Variants in SLC31A2 observed in about 807,000 individuals in gnomAD.
SLC31A2 encodes the protein solute carrier family 31 member 2, also known as protein SLC31A2.
SLC31A2 carries 16 observed loss-of-function variants against 14.4 expected under a neutral mutation model. The observed-to-expected ratio is 1.11, with a 90% CI of 0.75 to 1.69. The LOEUF is 1.69. SLC31A2 is among the 40% of genes most tolerant of loss of function. The pLI, the probability that SLC31A2 is intolerant of heterozygous loss-of-function variation, is 0.00. For missense variants in SLC31A2, 140 were observed against 173.9 expected (o/e 0.81, Z 1.10); for synonymous variants, 56 against 68.7 (o/e 0.82, Z 0.91).
chr9:113,159,838 T>C (rs545745511), intron 2 of SLC31A2, among the ~76,000 whole-genome samples: 2 of 152,318 alleles, frequency 1.3e-5, no homozygotes, highest in South Asian at 4.1e-4. Flanking sequence ...TGGGATCAAT[T>C]ATTTGATAGA....
intron 1 of SLC31A2, 81 bp from the exon 2 acceptor site, chr9:113,157,646 C>A: frequency 1.7e-6 from 2 of 1,194,596 alleles, no homozygotes; most frequent in East Asian, 2.5e-5. Context: ...TCTGGGCTCC[C>A]AGAGGAGGTG....
At chr9:113,159,145 C>T (rs928783021) in intron 2 of SLC31A2, among the ~76,000 whole-genome samples, 1 of 152,002 alleles carries the variant, frequency 6.6e-6, no homozygotes, top group Non-Finnish European at 1.5e-5. Context: ...TGATCTTTCT[C>T]TTTTTTTGAA....
chr9:113,161,732 C>A, intron 3 of SLC31A2, 34 bp downstream of exon 3: 1 of 1,605,006 alleles, frequency 6.2e-7, no homozygotes, highest in Non-Finnish European at 8.5e-7. Context: ...GGGGCAGAAG[C>A]CTCACATTCA....
In SLC31A2 at chr9:113,162,803, CG is replaced by C. The variant is rs1564140292; in HGVS notation, c.320del (p.Gly107AlafsTer8). 6.8e-6 allele frequency: 11 copies of C among 1,613,774 alleles called. No homozygotes were observed. Among genetic ancestry groups the C allele is most frequent in the Non-Finnish European group, 8.5e-6 (10 of 1,179,796 alleles). ...SLIHVIQVVI[G>X]YFIMLAVMSY... ...TAATCCATGTCATCCAGGTGGTCAT[CG>C]GCTACTTCATCATGCTGGCCGTAAT... On this transcript the variant is annotated frameshift_variant, in exon 4 of 4. Transcript: ENST00000259392. LOFTEE classifies it high-confidence loss of function.
intron 2 of SLC31A2, among the ~76,000 whole-genome samples, chr9:113,160,004 G>A (rs1178405463): frequency 2.0e-5 from 3 of 152,098 alleles, no homozygotes; most frequent in Non-Finnish European, 2.9e-5. Context: ...GTCAAACCCC[G>A]TCTCTACTAA....
At chr9:113,158,115 C>T in intron 2 of SLC31A2, 1 of 494,694 alleles carries the variant, frequency 2.0e-6, no homozygotes, top group South Asian at 1.5e-5. Context: ...GCATCAGAGC[C>T]ACTACTAGAT....
intron 2 of SLC31A2, among the ~76,000 whole-genome samples, chr9:113,160,761 G>GC (rs1257807284): frequency 6.6e-6 from 1 of 152,132 alleles, no homozygotes; most frequent in African/African-American, 2.4e-5. Context: ...CTGGCAACCA[G>GC]CCCCCATCCA....
intron 2 of SLC31A2, chr9:113,161,120 G>T (rs1325553171): frequency 5.9e-6 from 1 of 170,106 alleles, no homozygotes; most frequent in Non-Finnish European, 1.2e-5. Flanking sequence ...CTACTTTGCT[G>T]AGATAACTAT....
At chr9:113,157,621 C>A in intron 1 of SLC31A2, 106 bp from the exon 2 acceptor site, 1 of 897,746 alleles carries the variant, frequency 1.1e-6, no homozygotes, top group Non-Finnish European at 1.8e-6. Flanking sequence ...CCAGCACTTC[C>A]AGTGACCCCA....
At chr9:113,157,866 C>A in intron 2 of SLC31A2, 73 bp downstream of exon 2, 1 of 1,166,832 alleles carries the variant, frequency 8.6e-7, no homozygotes, top group South Asian at 1.3e-5. Context: ...TCTGGGTTCT[C>A]TTGATTCTCT....
Position 113,163,133 on chromosome 9 carries a change from T to A in SLC31A2, c.*216T>A. 1 of 449,992 alleles carries A rather than the reference T, an allele frequency of 2.2e-6. No homozygotes were observed. Among genetic ancestry groups the A allele is most frequent in the Non-Finnish European group, 3.9e-6 (1 of 253,430 alleles). 27.9% of individuals were successfully genotyped at this position (449,992 alleles called of 1,614,324 possible). A position where few individuals can be genotyped will look rare whatever the true frequency, so the allele number is the denominator to read the frequency against. On this transcript the variant is annotated 3_prime_UTR_variant, in exon 4 of 4. Coordinates refer to ENST00000259392, the MANE Select transcript of SLC31A2 (RefSeq NM_001860.3). ...CAGCCTACGTAGGGCCCAGGCATGG[T>A]CTTGTGTCTTAAGACAGCTGCTGTG...
At chr9:113,162,411 C>T (rs1233555763) in intron 3 of SLC31A2, 4 of 223,406 alleles carry the variant, frequency 1.8e-5, no homozygotes, top group African/African-American at 4.7e-5. Flanking sequence ...TACTGCCTCC[C>T]GAAGTAGATT....
At chr9:113,156,841 G>C (rs1829940348) in intron 1 of SLC31A2, among the ~76,000 whole-genome samples, 1 of 152,168 alleles carries the variant, frequency 6.6e-6, no homozygotes. Flanking sequence ...CCGTGTCCTG[G>C]AATGTCCAGG....
At chr9:113,154,749 G>T (rs539994721) in intron 1 of SLC31A2, among the ~76,000 whole-genome samples, 1 of 152,144 alleles carries the variant, frequency 6.6e-6, no homozygotes, top group Non-Finnish European at 1.5e-5. Flanking sequence ...CCTGTGATCC[G>T]CTCCAGTGTC....
In SLC31A2 at chr9:113,151,761, A is replaced by G. The variant is rs1829869570; in HGVS notation, c.6+681A>G. On this transcript the variant is annotated intron_variant, in intron 1 of 3. Transcript: ENST00000259392. The surrounding 1 kb of genome is among the most constrained non-coding windows in gnomAD (Gnocchi z 4.2). ...ATGTCATAGAATTTAAGATACAGGA[A>G]GCTCAGCCTGGGCAACATAGCTAGA... 1 of 152,140 alleles carries G rather than the reference A, an allele frequency of 6.6e-6. No homozygotes were observed. Among genetic ancestry groups the G allele is most frequent in the African/African-American group, 2.4e-5 (1 of 41,420 alleles). The allele number at this position is 152,140 out of a possible 1,614,324, so 9.4% of individuals were successfully genotyped here. A position where few individuals can be genotyped will look rare whatever the true frequency, so the allele number is the denominator to read the frequency against.
Position 113,164,037 on chromosome 9 carries a change from G to T in SLC31A2, c.*1120G>T, listed in dbSNP as rs2571. ...AAAAAAGGAAAGAGAGAAAATCACT[G>T]CTGTATACTAAATACCTCACAGATT... On this transcript the variant is annotated 3_prime_UTR_variant, in exon 4 of 4. Transcript: ENST00000259392. 0.082 allele frequency: 12,571 copies of T among 152,680 alleles called. 668 individuals are homozygous for T. Among genetic ancestry groups the T allele is most frequent in the East Asian group, 0.18 (924 of 5,190 alleles). The allele number at this position is 152,680 out of a possible 1,614,324, so 9.5% of individuals were successfully genotyped here.
At chr9:113,154,491 G>A (rs1212755917) in intron 1 of SLC31A2, among the ~76,000 whole-genome samples, 1 of 152,192 alleles carries the variant, frequency 6.6e-6, no homozygotes, top group Non-Finnish European at 1.5e-5. Flanking sequence ...TCTCCTGAAG[G>A]GGGCTGGTTA....
At chr9:113,152,500 A>G (rs1437159810) in intron 1 of SLC31A2, among the ~76,000 whole-genome samples, 1 of 152,182 alleles carries the variant, frequency 6.6e-6, no homozygotes, top group African/African-American at 2.4e-5. Context: ...CTTCCCAGCT[A>G]TCTCCTGCTT....
At chr9:113,160,751 C>T (rs1353077778) in intron 2 of SLC31A2, among the ~76,000 whole-genome samples, 2 of 152,144 alleles carry the variant, frequency 1.3e-5, no homozygotes, top group Non-Finnish European at 2.9e-5. Flanking sequence ...TTTGGCTCCC[C>T]TGGCAACCAG....
Sources: gnomAD v4.1 joint callset for allele counts (sites outside exome capture counted in the v4.1 genomes callset) on GRCh38, gnomAD v4.1.1 for gene constraint, Gnocchi (gnomAD v3.1) non-coding constraint, MANE v1.5 for transcripts, NCBI Gene and HGNC (gene_info 2026-07-23, HGNC 2026-07-21) for gene names.